Variants in NUP188 observed in about 807,000 individuals in gnomAD.
NUP188 encodes nucleoporin 188, also known as nucleoporin NUP188.
In NUP188, 97 loss-of-function variants were observed where a neutral mutation model predicts 223.0. The observed-to-expected ratio is 0.43, with a 90% confidence interval of 0.37 to 0.51. The LOEUF is 0.51. Ranked by LOEUF, NUP188 falls within the 20% of genes least tolerant of loss-of-function variation. The pLI, the probability that NUP188 is intolerant of heterozygous loss-of-function variation, is 0.00. For missense variants in NUP188, 1,947 were observed against 2,175.6 expected (o/e 0.89, Z 2.09); for synonymous variants, 869 against 828.0 (o/e 1.05, Z -0.85).
chr9:128,983,629 A>G, intron 19 of NUP188, 79 bp downstream of exon 19: 1 of 985,946 alleles, frequency 1.0e-6, no homozygotes, highest in Non-Finnish European at 1.5e-6. Context: ...AGGTTTATTA[A>G]TTTTATTTTT....
intron 29 of NUP188, 185 bp from the exon 30 acceptor site, chr9:128,995,134 A>G (rs934430617): frequency 3.2e-6 from 2 of 634,720 alleles, no homozygotes; most frequent in African/African-American, 3.7e-5. Flanking sequence ...ACTCCATGCA[A>G]CTGGGATTTT....
intron 12 of NUP188, among the ~76,000 whole-genome samples, 155 bp downstream of exon 12, chr9:128,973,404 A>G (rs1016193478): frequency 6.6e-6 from 1 of 151,446 alleles, no homozygotes; most frequent in Non-Finnish European, 1.5e-5. Flanking sequence ...TTTTTTTGAG[A>G]TGGAGTCCTG....
intron 33 of NUP188, 31 bp downstream of exon 33, chr9:128,999,348 T>G (rs760355417): frequency 1.2e-6 from 2 of 1,609,682 alleles, no homozygotes; most frequent in South Asian, 2.2e-5. Flanking sequence ...GAGCAGCAGC[T>G]GCAGTCTGCC....
chr9:128,981,664 A>G (rs1310521111), intron 15 of NUP188, among the ~76,000 whole-genome samples: 1 of 152,210 alleles, frequency 6.6e-6, no homozygotes, highest in Non-Finnish European at 1.5e-5. Context: ...TCCTGGCATC[A>G]TCACCACTGA....
At chr9:128,986,772 A>C in intron 21 of NUP188, 37 bp from the exon 22 acceptor site, 1 of 1,613,866 alleles carries the variant, frequency 6.2e-7, no homozygotes, top group Non-Finnish European at 8.5e-7. Flanking sequence ...GTCATTTCAC[A>C]AGGCCACATC....
intron 14 of NUP188, 100 bp downstream of exon 14, chr9:128,980,825 G>A (rs1842244086): frequency 2.4e-6 from 3 of 1,271,814 alleles, no homozygotes; most frequent in Middle Eastern, 2.1e-4. Flanking sequence ...CTACTGCCAT[G>A]ACAAAAGTTT....
Position 128,973,234 on chromosome 9 carries a change from C to T in NUP188, c.1188C>T (p.Thr396=). 6.2e-7 allele frequency: 1 copy of T among 1,612,890 alleles called. No individual in the cohort carries two copies. The highest frequency in any genetic ancestry group is 1.1e-5 in the South Asian group (1 of 91,002). ...SFVLTSLELH[T]LGNQQDIIDT... The stretch of plus-strand genomic sequence containing the variant: ...TTCTGACCTCGTTGGAGCTGCACAC[C>T]CTGGGCAATCAGCAGGTCAGTGTCT... Residue 396 remains threonine (T), a synonymous_variant, in exon 12 of 44, where the codon ACC becomes ACT. Coordinates refer to ENST00000372577, the MANE Select transcript of NUP188 (RefSeq NM_015354.3).
rs1207847337 is a variant in NUP188 at position 129,007,086 on chromosome 9, G to A, written c.*408G>A. On this transcript the variant is annotated 3_prime_UTR_variant, in exon 44 of 44. Coordinates refer to ENST00000372577, the MANE Select transcript of NUP188 (RefSeq NM_015354.3). Reference sequence around the variant, plus strand: ...CTATTTATACAGATATTAAAATCTTGTTTATAGACAGCTGTGTGATGTTTA... The same window carrying A: ...CTATTTATACAGATATTAAAATCTTATTTATAGACAGCTGTGTGATGTTTA... 1 of 158,398 alleles carries A rather than the reference G, an allele frequency of 6.3e-6. No homozygotes were observed. The highest frequency in any genetic ancestry group is 1.8e-4 in the East Asian group (1 of 5,406). The allele number at this position is 158,398 out of a possible 1,614,324, so 9.8% of individuals were successfully genotyped here.
At position 128,958,071 on chromosome 9, in the gene NUP188, A is replaced by G. The variant is rs778245658; in HGVS notation, c.372+17A>G. The stretch of plus-strand genomic sequence containing the variant: ...ATCCTGAAGGTCAGTAGTAGTCACC[A>G]TTTCTATTCTTTGATGTAAAATTGA... On this transcript the variant is annotated intron_variant, in intron 6 of 43. Transcript: ENST00000372577. 12 of 1,602,846 alleles carry G rather than the reference A, an allele frequency of 7.5e-6. No homozygotes were observed. The South Asian group carries it at 8.9e-5, about 12-fold the overall frequency.
At chr9:128,959,357 G>A (rs1841914069) in intron 8 of NUP188, among the ~76,000 whole-genome samples, 1 of 151,826 alleles carries the variant, frequency 6.6e-6, no homozygotes, top group Non-Finnish European at 1.5e-5. Context: ...GGCCAGGCTG[G>A]TCTCGAACTC....
intron 8 of NUP188, among the ~76,000 whole-genome samples, chr9:128,967,444 C>T (rs1842045928): frequency 6.6e-6 from 1 of 152,060 alleles, no homozygotes. Context: ...TGGTTGAGCC[C>T]AGGAATTCAA....
Position 129,005,131 on chromosome 9 carries a change from C to G in NUP188, c.4435-16C>G, listed in dbSNP as rs372116633. 2 of 1,608,630 alleles carry G rather than the reference C, an allele frequency of 1.2e-6. No individual in the cohort carries two copies. Among genetic ancestry groups the G allele is most frequent in the Non-Finnish European group, 1.7e-6 (2 of 1,175,002 alleles). On this transcript the variant is annotated splice_polypyrimidine_tract_variant and intron_variant, in intron 38 of 43. Coordinates refer to ENST00000372577, the MANE Select transcript of NUP188 (RefSeq NM_015354.3). ...CTGACAAGAGAATCCGCTCATCTCT[C>G]CTGTGTCTCTCCCAGGTCAACCTGG...
At position 129,006,317 on chromosome 9, in the gene NUP188, T is replaced by C. The variant is rs1213006712; in HGVS notation, c.5022T>C (p.Ala1674=). Residue 1674 remains alanine, a synonymous_variant, in exon 43 of 44, where the codon GCT becomes GCC. Coordinates refer to ENST00000372577, the MANE Select transcript of NUP188 (RefSeq NM_015354.3). ...CGATGCGGTACCTTAGGGACCCGGC[T>C]GTGCACCCCCGGGACAAACAGCGGA... ...SQAMRYLRDP[A]VHPRDKQRMK... 1 of 1,614,074 alleles carries C rather than the reference T, an allele frequency of 6.2e-7. No homozygotes were observed. Among genetic ancestry groups the C allele is most frequent in the Non-Finnish European group, 8.5e-7 (1 of 1,180,032 alleles).
chr9:128,960,059 CTTT>C (rs956759518), intron 8 of NUP188, among the ~76,000 whole-genome samples: 6 of 103,790 alleles, frequency 5.8e-5, no homozygotes, highest in Non-Finnish European at 1.2e-4. Context: ...TTATTTTATT[CTTT>C]TTTTTTTTTT....
chr9:128,957,946 CT>C (rs1841894581), intron 5 of NUP188, 63 bp from the exon 6 acceptor site: 4 of 1,227,712 alleles, frequency 3.3e-6, no homozygotes, highest in Non-Finnish European at 3.5e-6. Context: ...AGGTATCTAT[CT>C]TTTTTTATTA....
At chr9:128,951,667 T>C (rs1261741427) in intron 2 of NUP188, among the ~76,000 whole-genome samples, 1 of 152,146 alleles carries the variant, frequency 6.6e-6, no homozygotes, top group Non-Finnish European at 1.5e-5. Context: ...CATTATGTTA[T>C]AATGTTAAGC....
rs1025393609 is a variant in NUP188, at chr9:128,986,690, A to G, written c.2197+12A>G. On this transcript the variant is annotated intron_variant, in intron 21 of 43. Coordinates refer to ENST00000372577, the MANE Select transcript of NUP188 (RefSeq NM_015354.3). Reference sequence around the variant, plus strand: ...GAGGGAACAGATTGGTAAGGACAGCATGGGCAGGGAAGACCTGGGGATTTC... The same window carrying G: ...GAGGGAACAGATTGGTAAGGACAGCGTGGGCAGGGAAGACCTGGGGATTTC... 2 of 1,614,008 alleles carry G rather than the reference A, an allele frequency of 1.2e-6. No individual in the cohort carries two copies. The highest frequency in any genetic ancestry group is 1.3e-5 in the African/African-American group (1 of 74,932).
In NUP188 at chr9:128,980,652, T is replaced by G; in HGVS notation, c.1316T>G (p.Met439Arg). ...LGIILDSVCGMFPHLLSPLLQ... is the reference protein window; with the variant it reads ...LGIILDSVCGRFPHLLSPLLQ... Reference sequence around the variant, plus strand: ...ATCATTCTGGACAGTGTGTGTGGAATGTTTCCCCACCTTCTCTCCCCACTC... The same window carrying G: ...ATCATTCTGGACAGTGTGTGTGGAAGGTTTCCCCACCTTCTCTCCCCACTC... The change falls in exon 14 of 44, where the codon ATG becomes AGG. Residue 439 changes from methionine to arginine, a missense_variant. Physicochemically the swap from Met to Arg is moderately conservative, Grantham distance 91 (BLOSUM62 -1). Coordinates refer to ENST00000372577, the MANE Select transcript of NUP188 (RefSeq NM_015354.3). 6.2e-7 allele frequency: 1 copy of G among 1,614,126 alleles called. No individual in the cohort carries two copies. The highest frequency in any genetic ancestry group is 8.5e-7 in the Non-Finnish European group (1 of 1,179,982).
chr9:128,995,185 C>T (rs970202242), intron 29 of NUP188, 134 bp from the exon 30 acceptor site: 17 of 701,392 alleles, frequency 2.4e-5, no homozygotes, highest in African/African-American at 7.1e-5. Flanking sequence ...CTAACCCACA[C>T]GTTGGAGGTG....
Sources: gnomAD v4.1 joint callset for allele counts (sites outside exome capture counted in the v4.1 genomes callset) on GRCh38, gnomAD v4.1.1 for gene constraint, MANE v1.5 for transcripts, NCBI Gene and HGNC (gene_info 2026-07-23, HGNC 2026-07-21) for gene names.